The following PLEKHA7 variants were observed in gnomAD, a reference collection of about 807,000 sequenced individuals.
PLEKHA7 encodes the protein pleckstrin homology domain containing A7, also known as pleckstrin homology domain-containing family A member 7.
PLEKHA7 carries 104 observed loss-of-function variants against 170.0 expected under a neutral mutation model. That is an observed-to-expected ratio of 0.61 (90% CI 0.52 to 0.72). The LOEUF is 0.72. Ranked by LOEUF, PLEKHA7 falls within the 30% of genes least tolerant of loss-of-function variation. The probability of loss-of-function intolerance (pLI) is 0.00; values close to 1 mark genes in which losing one functional copy is unlikely to be tolerated. For missense variants in PLEKHA7, 1,615 were observed against 1,671.7 expected (o/e 0.97, Z 0.59); for synonymous variants, 648 against 660.8 (o/e 0.98, Z 0.30).
chr11:16,939,164 C>T (rs993192385), intron 3 of PLEKHA7, among the ~76,000 whole-genome samples: 3 of 152,168 alleles, frequency 2.0e-5, no homozygotes, highest in South Asian at 4.1e-4. Flanking sequence ...ATAGTCCCAG[C>T]GCTTTGGGAG....
At position 16,789,138 on chromosome 11, in the gene PLEKHA7, T is replaced by C. The variant is rs1179361850; in HGVS notation, c.3315A>G (p.Ser1105=). 2.5e-6 allele frequency: 4 copies of C among 1,609,658 alleles called. No individual in the cohort carries two copies. In the South Asian group the frequency reaches 4.4e-5, roughly 18 times the overall value. The change falls in exon 23 of 27, where the codon TCA becomes TCG. Residue 1105 remains serine, a synonymous_variant. Transcript: ENST00000531066. This position sits in a 1 kb window ranked among gnomAD's most constrained non-coding sequence, Gnocchi z 4.6. The part of the protein sequence containing the change: ...LGQGERTGLP[S]SRYLSRPLPG... ...GGAGCGGCCGGCTGAGGTAGCGAGA[T>C]GAGGGCAGGCCCGTCCTCTCCCCTT... is the stretch of plus-strand genomic sequence containing the variant.
At chr11:16,847,276 T>G (rs2135363170) in intron 8 of PLEKHA7, among the ~76,000 whole-genome samples, 1 of 151,820 alleles carries the variant, frequency 6.6e-6, no homozygotes, top group South Asian at 2.1e-4. Context: ...GTATTTTTAG[T>G]AGAGATGGGG....
intron 19 of PLEKHA7, 37 bp downstream of exon 19, chr11:16,794,451 A>G (rs1249358274): frequency 4.5e-6 from 7 of 1,570,982 alleles, no homozygotes; most frequent in African/African-American, 2.7e-5. Flanking sequence ...GACAGAGAGG[A>G]AACAATGGCA....
intron 3 of PLEKHA7, among the ~76,000 whole-genome samples, chr11:16,891,064 A>G (rs1856574561): frequency 8.5e-6 from 1 of 117,192 alleles, no homozygotes; most frequent in South Asian, 2.6e-4. Flanking sequence ...ATGCTAGACT[A>G]TTATTCTCTA....
intron 4 of PLEKHA7, among the ~76,000 whole-genome samples, chr11:16,862,216 A>G (rs905072495): frequency 6.6e-6 from 1 of 152,182 alleles, no homozygotes; most frequent in Non-Finnish European, 1.5e-5. Flanking sequence ...CCCAGGAGCT[A>G]GAAACCAGCC....
At chr11:16,997,256 A>ACCG (rs1483011169) in intron 3 of PLEKHA7, among the ~76,000 whole-genome samples, 1 of 151,916 alleles carries the variant, frequency 6.6e-6, no homozygotes, top group Admixed American at 6.6e-5. Context: ...CCCATAGTCT[A>ACCG]CCTCCTCCTC....
At chr11:16,893,304 A>C (rs1590510477) in intron 3 of PLEKHA7, among the ~76,000 whole-genome samples, 1 of 152,188 alleles carries the variant, frequency 6.6e-6, no homozygotes, top group African/African-American at 2.4e-5. Flanking sequence ...TCTGTACCCT[A>C]CTGTGGGCAT....
chr11:16,859,037 T>C (rs542825359), intron 4 of PLEKHA7, among the ~76,000 whole-genome samples: 16 of 152,250 alleles, frequency 1.1e-4, no homozygotes, highest in South Asian at 2.1e-4. Flanking sequence ...AACACACCCA[T>C]AGAAAGCCTA....
intron 1 of PLEKHA7, 52 bp downstream of exon 1, chr11:17,014,264 C>G (rs1865534955): frequency 5.0e-6 from 7 of 1,393,678 alleles, no homozygotes; most frequent in Non-Finnish European, 6.5e-6. Context: ...GCCCGGCCCC[C>G]GCCCCCGCGC....
At chr11:16,784,459 T>C (rs1288373218) in intron 24 of PLEKHA7, among the ~76,000 whole-genome samples, 1 of 152,142 alleles carries the variant, frequency 6.6e-6, no homozygotes, top group African/African-American at 2.4e-5. Flanking sequence ...GTGCTTTCTG[T>C]CCCTAAAAAA....
chr11:16,785,481 G>A (rs76915936), intron 24 of PLEKHA7, among the ~76,000 whole-genome samples: 2,507 of 152,284 alleles, frequency 0.016, 49 homozygotes, highest in African/African-American at 0.056. Context: ...CAGGGACTAG[G>A]GATACAAAGG....
chr11:16,892,435 T>TGTGTGTGTGTGTGTGTGTGTG (rs1554964897), intron 3 of PLEKHA7, among the ~76,000 whole-genome samples: 3,154 of 96,746 alleles, frequency 0.033, 63 homozygotes, highest in Non-Finnish European at 0.045. Context: ...TGTGTGTGTG[T>TGTGTGTGTGTGTGTGTGTGTG]TTTGTTTTGT....
intron 9 of PLEKHA7, among the ~76,000 whole-genome samples, chr11:16,827,505 A>G (rs1850749806): frequency 6.6e-6 from 1 of 152,120 alleles, no homozygotes; most frequent in South Asian, 2.1e-4. Flanking sequence ...GCAAACCTGG[A>G]AGCTATAAAG....
At chr11:16,909,709 AG>A (rs2136142558) in intron 3 of PLEKHA7, among the ~76,000 whole-genome samples, 1 of 152,330 alleles carries the variant, frequency 6.6e-6, no homozygotes, top group Non-Finnish European at 1.5e-5. Flanking sequence ...TGTGCCAAAG[AG>A]CCCAAAGACC....
At chr11:16,839,584 A>C (rs1011392593) in intron 9 of PLEKHA7, among the ~76,000 whole-genome samples, 3 of 151,952 alleles carry the variant, frequency 2.0e-5, no homozygotes, top group Admixed American at 2.0e-4. Flanking sequence ...GGAAAAAAGG[A>C]TGGTTTTGTC....
chr11:16,952,542 C>T (rs1389126800), intron 3 of PLEKHA7, among the ~76,000 whole-genome samples: 1 of 151,776 alleles, frequency 6.6e-6, no homozygotes, highest in Non-Finnish European at 1.5e-5. Context: ...ATAACCCCAA[C>T]TAATACAAAT....
At chr11:16,854,612 C>T (rs1318759987) in intron 6 of PLEKHA7, among the ~76,000 whole-genome samples, 2 of 152,166 alleles carry the variant, frequency 1.3e-5, no homozygotes, top group African/African-American at 4.8e-5. Context: ...TCAAGCTGAC[C>T]CACCCACACT....
intron 3 of PLEKHA7, among the ~76,000 whole-genome samples, chr11:16,890,206 G>C (rs1360147475): frequency 6.6e-6 from 1 of 152,132 alleles, no homozygotes; most frequent in Non-Finnish European, 1.5e-5. Flanking sequence ...ACACATGAAA[G>C]TATAAAACTC....
chr11:16,778,634 C>A lies in PLEKHA7; in HGVS notation c.*364G>T, dbSNP rs1848808001. 1.4e-5 allele frequency: 4 copies of A among 283,200 alleles called. No individual in the cohort carries two copies. Among genetic ancestry groups the A allele is most frequent in the Non-Finnish European group, 2.8e-5 (4 of 145,230 alleles). 17.5% of individuals were successfully genotyped at this position (283,200 alleles called of 1,614,324 possible). ...CCCCGCCCTTCCTGCCCCCACAACA[C>A]CTGTCACCCAGAAGTACCTGAATCT... On this transcript the variant is annotated 3_prime_UTR_variant, in exon 27 of 27. Coordinates refer to ENST00000531066, the MANE Select transcript of PLEKHA7 (RefSeq NM_001329630.2).
Sources: allele counts gnomAD v4.1 joint callset (sites outside exome capture counted in the v4.1 genomes callset), GRCh38; gene constraint gnomAD v4.1.1; non-coding constraint Gnocchi (gnomAD v3.1); transcripts MANE v1.5; gene names NCBI Gene and HGNC (gene_info 2026-07-23, HGNC 2026-07-21).